TBC1D2B: variants seen among roughly 807,000 people sequenced by gnomAD.
TBC1D2B encodes TBC1 domain family, member 2B.
Under a neutral mutation model 100.8 loss-of-function variants are expected in TBC1D2B, and 64 were observed. The observed-to-expected ratio is 0.64, with a 90% confidence interval of 0.52 to 0.78. TBC1D2B has a LOEUF of 0.78. Among genes scored for constraint, TBC1D2B ranks in the 30% least tolerant of loss-of-function variants. TBC1D2B has a pLI of 0.00. For synonymous variants in TBC1D2B, 480 were observed against 479.7 expected, an observed-to-expected ratio of 1.00 and a Z score of -0.01; for missense variants, 1,052 against 1,218.4, an observed-to-expected ratio of 0.86 and a Z score of 2.03.
At chr15:78,060,396 G>C (rs1463506839) in intron 1 of TBC1D2B, among the ~76,000 whole-genome samples, 1 of 151,856 alleles carries the variant, frequency 6.6e-6, no homozygotes, top group Non-Finnish European at 1.5e-5. Flanking sequence ...TTAGCCCTTT[G>C]GGAGGCCCAG....
At chr15:78,065,170 A>G (rs948196756) in intron 1 of TBC1D2B, among the ~76,000 whole-genome samples, 1 of 152,208 alleles carries the variant, frequency 6.6e-6, no homozygotes, top group Non-Finnish European at 1.5e-5. Context: ...CACCCCTTTT[A>G]AAAAGCAAAC....
At chr15:78,064,261 G>A (rs1390199373) in intron 1 of TBC1D2B, among the ~76,000 whole-genome samples, 1 of 152,152 alleles carries the variant, frequency 6.6e-6, no homozygotes, top group Non-Finnish European at 1.5e-5. Context: ...CACGCTCTAT[G>A]TGACGCACAC....
chr15:78,075,440 C>A (rs2141854170), intron 1 of TBC1D2B, among the ~76,000 whole-genome samples: 1 of 152,268 alleles, frequency 6.6e-6, no homozygotes, highest in South Asian at 2.1e-4. Flanking sequence ...CCTCGTGATC[C>A]ACCCGTCTCG....
In TBC1D2B at chr15:78,001,637, C is replaced by T. The variant is rs767421743; in HGVS notation, c.2678G>A (p.Arg893His). ...SIFKYLRYFT[R>H]TILDARKLIS... ...GACTCACCTAGCATCAAGGATAGTG[C>T]GAGTGAAGTAGCGGAGATACTTAAA... Residue 893 changes from arginine to histidine, a missense_variant, in exon 12 of 13, where the codon CGC (arginine) becomes CAC (histidine). Physicochemically the swap from Arg to His is conservative, Grantham distance 29. Coordinates refer to ENST00000300584, the MANE Select transcript of TBC1D2B (RefSeq NM_144572.2). 5.6e-6 allele frequency: 9 copies of T among 1,608,844 alleles called. No homozygotes were observed. The highest frequency in any genetic ancestry group is 2.7e-5 in the African/African-American group (2 of 74,836).
chr15:78,048,428 G>A (rs911262895), intron 2 of TBC1D2B, among the ~76,000 whole-genome samples: 2 of 152,146 alleles, frequency 1.3e-5, no homozygotes, highest in African/African-American at 4.8e-5. Flanking sequence ...CACAAACTAG[G>A]ACATGGCAAC....
chr15:78,077,217 G>A, intron 1 of TBC1D2B, 76 bp downstream of exon 1: 1 of 1,390,142 alleles, frequency 7.2e-7, no homozygotes, highest in African/African-American at 1.5e-5. Flanking sequence ...GAAGGAGGGT[G>A]GATGGCGCAA....
chr15:78,061,352 C>A (rs1327148239), intron 1 of TBC1D2B, among the ~76,000 whole-genome samples: 1 of 151,834 alleles, frequency 6.6e-6, no homozygotes, highest in Non-Finnish European at 1.5e-5. Context: ...GCAGGCAGAT[C>A]GCTTGAACCG....
intron 8 of TBC1D2B, among the ~76,000 whole-genome samples, chr15:78,015,397 T>A (rs908967988): frequency 6.6e-6 from 1 of 152,206 alleles, no homozygotes; most frequent in Non-Finnish European, 1.5e-5. Context: ...TAAGAAAAAG[T>A]TGAAAATAAA....
chr15:78,075,426 C>T (rs2073813263), intron 1 of TBC1D2B, among the ~76,000 whole-genome samples: 1 of 152,098 alleles, frequency 6.6e-6, no homozygotes, highest in African/African-American at 2.4e-5. Flanking sequence ...TCTCGAGCTC[C>T]TGACCTCGTG....
intron 1 of TBC1D2B, among the ~76,000 whole-genome samples, chr15:78,075,107 C>A (rs776586068): frequency 6.6e-6 from 1 of 151,694 alleles, no homozygotes; most frequent in East Asian, 1.9e-4. Flanking sequence ...GAGCAGCAGA[C>A]TCCTGCTTCA....
chr15:78,045,493 T>C (rs62011512), intron 2 of TBC1D2B, among the ~76,000 whole-genome samples: 8,244 of 152,270 alleles, frequency 0.054, 283 homozygotes, highest in Middle Eastern at 0.13. Context: ...CCCTTTTCTC[T>C]AAGAAAGTGG....
intron 12 of TBC1D2B, chr15:77,998,703 C>A (rs12900731): frequency 2.3e-5 from 5 of 216,838 alleles, no homozygotes; most frequent in Non-Finnish European, 3.7e-5. Context: ...ACACATAAGC[C>A]CTGAGAAGAG....
At position 78,053,761 on chromosome 15, in the gene TBC1D2B, A is replaced by G. The variant is rs1454633379; in HGVS notation, c.514+273T>C. The G allele has an allele frequency of 1.2e-5, 4 of 346,078 alleles. No homozygotes were observed. The Admixed American group carries it at 1.4e-4, about 12-fold the overall frequency. The allele number at this position is 346,078 out of a possible 1,614,324, so 21.4% of individuals were successfully genotyped here. The stretch of plus-strand genomic sequence containing the variant: ...TAGAAAGGCTGGCCCTGCAGTCAGA[A>G]CTAGACTTACAGCACCACAACTTAC... On this transcript the variant is annotated intron_variant, in intron 2 of 12. Coordinates refer to ENST00000300584, the MANE Select transcript of TBC1D2B (RefSeq NM_144572.2).
At chr15:78,026,756 AT>A (rs1348233036) in intron 4 of TBC1D2B, among the ~76,000 whole-genome samples, 1 of 151,934 alleles carries the variant, frequency 6.6e-6, no homozygotes, top group Non-Finnish European at 1.5e-5. Flanking sequence ...TCTCTACTAA[AT>A]ATGCGTGGTG....
At position 78,024,400 on chromosome 15, in the gene TBC1D2B, G is replaced by A. The variant is rs765963977; in HGVS notation, c.1226C>T (p.Thr409Ile). The change falls in exon 6 of 13, where the codon ACC becomes ATC. Residue 409 changes from threonine (T) to isoleucine (I), a missense_variant. By Grantham distance (89) the Thr-to-Ile change is moderately conservative. Coordinates refer to ENST00000300584, the MANE Select transcript of TBC1D2B (RefSeq NM_144572.2). ...HQKDDQILGL[T>I]SQLERFSLEK... ...CAAGCTGAACCTCTCCAGCTGGCTG[G>A]TAAGGCCCAGAATCTGATCATCCTT... is the stretch of plus-strand genomic sequence containing the variant. 6.2e-7 allele frequency: 1 copy of A among 1,614,044 alleles called. No homozygotes were observed. Among genetic ancestry groups the A allele is most frequent in the Admixed American group, 1.7e-5 (1 of 60,032 alleles).
At chr15:78,038,085 G>A (rs931184465) in intron 3 of TBC1D2B, among the ~76,000 whole-genome samples, 2 of 152,132 alleles carry the variant, frequency 1.3e-5, no homozygotes, top group South Asian at 2.1e-4. Context: ...CCCAAGCAGC[G>A]GGAGCAAGAG....
intron 1 of TBC1D2B, among the ~76,000 whole-genome samples, chr15:78,066,888 T>C (rs1160413895): frequency 6.6e-6 from 1 of 152,204 alleles, no homozygotes; most frequent in Non-Finnish European, 1.5e-5. Context: ...CAGGGAAACA[T>C]CACTGATGCC....
chr15:78,077,586 C>A lies in TBC1D2B; in HGVS notation c.67G>T (p.Ala23Ser). 1.5e-6 allele frequency: 2 copies of A among 1,311,712 alleles called. No individual in the cohort carries two copies. The highest frequency in any genetic ancestry group is 9.8e-7 in the Non-Finnish European group (1 of 1,024,130). 81.3% of individuals were successfully genotyped at this position (1,311,712 alleles called of 1,614,324 possible). The change falls in exon 1 of 13, where the codon GCC becomes TCC. Residue 23 changes from alanine (A) to serine (S), a missense_variant. Physicochemically the swap from Ala to Ser is moderately conservative, Grantham distance 99 (BLOSUM62 1). This residue lies in a region of TBC1D2B where 627 missense variants were observed against 646.1 expected (regional missense o/e 0.97). Coordinates refer to ENST00000300584, the MANE Select transcript of TBC1D2B (RefSeq NM_144572.2). ...GCCGGACCCGCCCCGGGCTCCGCGG[C>A]CGCCCCCTGCGCCGCGCCCTCGCCG... is the stretch of plus-strand genomic sequence containing the variant. ...GGGEGAAQGA[A>S]AEPGAGPARE...
intron 3 of TBC1D2B, among the ~76,000 whole-genome samples, chr15:78,044,234 A>T (rs2073149329): frequency 6.6e-6 from 1 of 152,220 alleles, no homozygotes; most frequent in Admixed American, 6.5e-5. Flanking sequence ...ACCAAAAATC[A>T]TTGAATTGTA....
Sources: gnomAD v4.1 joint callset for allele counts (sites outside exome capture counted in the v4.1 genomes callset) on GRCh38, gnomAD v4.1.1 for gene constraint, gnomAD v4.1.1 regional missense constraint, MANE v1.5 for transcripts, NCBI Gene and HGNC (gene_info 2026-07-23, HGNC 2026-07-21) for gene names.